FBXL7: variants seen among roughly 807,000 people sequenced by gnomAD.
The protein encoded by FBXL7 is F-box/LRR-repeat protein 7.
In FBXL7, 12 loss-of-function variants were observed where a neutral mutation model predicts 38.3. That is an observed-to-expected ratio of 0.31 (90% CI 0.20 to 0.51). FBXL7 has a LOEUF of 0.51. Ranked by LOEUF, FBXL7 falls within the 20% of genes least tolerant of loss-of-function variation. FBXL7 has a pLI of 0.98. For missense variants in FBXL7, 567 were observed against 676.4 expected (o/e 0.84, Z 1.79); for synonymous variants, 297 against 300.9 (o/e 0.99, Z 0.13).
chr5:15,775,386 C>T (rs563391808), intron 2 of FBXL7, among the ~76,000 whole-genome samples: 24 of 150,486 alleles, frequency 1.6e-4, no homozygotes, highest in Admixed American at 6.6e-5. Context: ...CCACCATATA[C>T]ACACACACAC....
At position 15,529,237 on chromosome 5, in the gene FBXL7, G is replaced by A. The variant is rs578072883; in HGVS notation, c.37+28524G>A. On this transcript the variant is annotated intron_variant, in intron 1 of 3. Transcript: ENST00000504595. ...TCTCCAAGTTTATTCGTGTTGTCAC[G>A]AATGACAGGATTGCATTCTTTTGAA... Among the ~76,000 whole-genome samples the A allele has an allele frequency of 3.9e-5, 6 of 152,248 alleles. No individual in the cohort carries two copies. The South Asian group carries it at 1.0e-3, about 26-fold the overall frequency.
intron 3 of FBXL7, among the ~76,000 whole-genome samples, chr5:15,934,170 A>C (rs368943290): frequency 2.0e-5 from 3 of 152,096 alleles, no homozygotes; most frequent in Admixed American, 6.5e-5. Context: ...ATACCTGGCT[A>C]ATTTTTGTGT....
intron 1 of FBXL7, among the ~76,000 whole-genome samples, chr5:15,554,978 G>T (rs894308700): frequency 6.6e-6 from 1 of 152,226 alleles, no homozygotes; most frequent in African/African-American, 2.4e-5. Context: ...TGGTGAAAAT[G>T]AGTATTGTTT....
chr5:15,693,096 G>A (rs1360826488), intron 2 of FBXL7, among the ~76,000 whole-genome samples: 3 of 152,154 alleles, frequency 2.0e-5, no homozygotes, highest in African/African-American at 7.2e-5. Context: ...TTGGTCAGAG[G>A]AACGATGTGG....
chr5:15,842,954 C>T (rs1394223521), intron 2 of FBXL7, among the ~76,000 whole-genome samples: 2 of 152,098 alleles, frequency 1.3e-5, no homozygotes, highest in African/African-American at 4.8e-5. Flanking sequence ...TTATTACTAC[C>T]TATCATTGGC....
intron 2 of FBXL7, among the ~76,000 whole-genome samples, chr5:15,741,804 T>A (rs1735900671): frequency 7.8e-6 from 1 of 128,076 alleles, no homozygotes; most frequent in Admixed American, 9.0e-5. Context: ...AAAGAACAAC[T>A]TTTTTTTTTC....
chr5:15,571,164 A>C (rs975569835), intron 1 of FBXL7, among the ~76,000 whole-genome samples: 2 of 152,074 alleles, frequency 1.3e-5, no homozygotes, highest in Non-Finnish European at 2.9e-5. Context: ...TCCTTGTTCT[A>C]CAAGTGGATT....
chr5:15,840,512 A>T (rs944146171), intron 2 of FBXL7, among the ~76,000 whole-genome samples: 1 of 152,146 alleles, frequency 6.6e-6, no homozygotes, highest in Non-Finnish European at 1.5e-5. Context: ...TAACACCATT[A>T]TGATATTGAA....
At chr5:15,867,414 G>A (rs1206915895) in intron 2 of FBXL7, among the ~76,000 whole-genome samples, 8 of 152,154 alleles carry the variant, frequency 5.3e-5, no homozygotes, top group Admixed American at 2.0e-4. Context: ...GTTGGTGTCA[G>A]TCCCATAAAT....
intron 2 of FBXL7, among the ~76,000 whole-genome samples, chr5:15,835,295 T>G (rs1464463638): frequency 6.6e-6 from 1 of 152,224 alleles, no homozygotes; most frequent in East Asian, 1.9e-4. Context: ...TTCTTCTATG[T>G]AGCACCAATG....
chr5:15,659,713 A>G (rs1053610803), intron 2 of FBXL7, among the ~76,000 whole-genome samples: 3 of 152,188 alleles, frequency 2.0e-5, no homozygotes, highest in African/African-American at 2.4e-5. Context: ...GTTGAATTCT[A>G]AAGCACTGTT....
In FBXL7 at chr5:15,700,730, A is replaced by G. The variant is rs1006118810; in HGVS notation, c.127+84658A>G. Among the ~76,000 whole-genome samples the G allele has an allele frequency of 1.2e-4, 19 of 152,196 alleles. 1 individual carries two copies. Among genetic ancestry groups the G allele is most frequent in the Non-Finnish European group, 1.5e-5 (1 of 68,024 alleles). On this transcript the variant is annotated intron_variant, in intron 2 of 3. Transcript: ENST00000504595. The stretch of plus-strand genomic sequence containing the variant: ...TTTTGAGTAAACAAACTTGGTTGAT[A>G]CTTTTTGGATAATTTATGGTCAATT...
intron 2 of FBXL7, among the ~76,000 whole-genome samples, chr5:15,865,795 T>C (rs1348424709): frequency 6.6e-6 from 1 of 152,232 alleles, no homozygotes; most frequent in Non-Finnish European, 1.5e-5. Flanking sequence ...AACTCACTTT[T>C]ACTTAGAGCT....
intron 2 of FBXL7, among the ~76,000 whole-genome samples, chr5:15,695,918 C>G (rs559156336): frequency 1.2e-4 from 19 of 152,298 alleles, no homozygotes; most frequent in African/African-American, 3.8e-4. Context: ...TTTCTCTGTT[C>G]TGTGAAATAC....
At chr5:15,738,373 CATACCTA>C (rs1735810875) in intron 2 of FBXL7, among the ~76,000 whole-genome samples, 1 of 152,196 alleles carries the variant, frequency 6.6e-6, no homozygotes, top group African/African-American at 2.4e-5. Context: ...AGGAACCTAT[CATACCTA>C]ATTGTAAGCC....
chr5:15,929,663 C>T (rs1425415319), intron 3 of FBXL7, among the ~76,000 whole-genome samples: 1 of 151,366 alleles, frequency 6.6e-6, no homozygotes, highest in African/African-American at 2.4e-5. Flanking sequence ...CGAAGGAAAT[C>T]CCAGCATGGC....
chr5:15,665,096 G>A (rs1355702040), intron 2 of FBXL7, among the ~76,000 whole-genome samples: 2 of 151,996 alleles, frequency 1.3e-5, no homozygotes, highest in Non-Finnish European at 2.9e-5. Flanking sequence ...AGTGCCTTAA[G>A]CCTTATGCTT....
chr5:15,875,988 A>G (rs1049294785), intron 2 of FBXL7, among the ~76,000 whole-genome samples: 1 of 152,198 alleles, frequency 6.6e-6, no homozygotes, highest in African/African-American at 2.4e-5. Flanking sequence ...AATATCAAAG[A>G]CTTGGAACCA....
chr5:15,577,085 T>C (rs1025276351), intron 1 of FBXL7, among the ~76,000 whole-genome samples: 4 of 152,224 alleles, frequency 2.6e-5, no homozygotes, highest in Admixed American at 2.6e-4. Flanking sequence ...ATGTGAAATC[T>C]TCTGAGAAGC....
Sources: allele counts gnomAD v4.1 joint callset (sites outside exome capture counted in the v4.1 genomes callset), GRCh38; gene constraint gnomAD v4.1.1; transcripts MANE v1.5; gene names NCBI Gene and HGNC (gene_info 2026-07-23, HGNC 2026-07-21).